RDX: variants seen among roughly 807,000 people sequenced by gnomAD.
RDX encodes the protein radixin.
In RDX, 32 loss-of-function variants were observed where a neutral mutation model predicts 83.7. The ratio of observed to expected loss-of-function variants is 0.38; its 90% CI spans 0.29 to 0.51. The LOEUF is 0.51. Ranked by LOEUF, RDX falls within the 20% of genes least tolerant of loss-of-function variation. RDX has a pLI of 0.87. For synonymous variants in RDX, 229 were observed against 222.7 expected (o/e 1.03, Z -0.25); for missense variants, 600 against 689.9 (o/e 0.87, Z 1.46).
At chr11:110,286,597 T>C (rs1197704990) in intron 1 of RDX, among the ~76,000 whole-genome samples, 3 of 152,252 alleles carry the variant, frequency 2.0e-5, no homozygotes, top group African/African-American at 7.2e-5. Context: ...TGCCTGATTT[T>C]ACTTTTGAGA....
At chr11:110,191,330 G>T (rs773153597) in intron 15 of RDX, among the ~76,000 whole-genome samples, 1 of 152,208 alleles carries the variant, frequency 6.6e-6, no homozygotes. Flanking sequence ...AAAATGATAT[G>T]ATTATCTTAA....
chr11:110,215,412 A>AT (rs202009771), intron 14 of RDX, among the ~76,000 whole-genome samples: 31 of 146,514 alleles, frequency 2.1e-4, no homozygotes, highest in Admixed American at 4.8e-4. Flanking sequence ...AAATAAATAA[A>AT]ATAATAATAA....
chr11:110,202,384 ACTT>A (rs1863445223), intron 14 of RDX, among the ~76,000 whole-genome samples: 1 of 151,716 alleles, frequency 6.6e-6, no homozygotes, highest in Non-Finnish European at 1.5e-5. Context: ...AGAGAGCAAG[ACTT>A]CATCTAAAAA....
intron 9 of RDX, among the ~76,000 whole-genome samples, chr11:110,251,625 TG>T (rs1277958917): frequency 6.6e-6 from 1 of 152,182 alleles, no homozygotes; most frequent in African/African-American, 2.4e-5. Context: ...AACCTACAAT[TG>T]GTACATAGGT....
chr11:110,228,769 C>G (rs1257620222), downstream of RDX, among the ~76,000 whole-genome samples: 2 of 151,628 alleles, frequency 1.3e-5, no homozygotes, highest in African/African-American at 4.8e-5. Context: ...TAAAATCTAA[C>G]ATAACTTTAT....
intron 1 of RDX, among the ~76,000 whole-genome samples, chr11:110,285,452 G>A (rs192639028): frequency 7.6e-4 from 116 of 151,894 alleles, no homozygotes; most frequent in Middle Eastern, 3.4e-3. Context: ...GGTGGCTCGC[G>A]CCTGTAATCC....
intron 1 of RDX, chr11:110,287,122 T>C (rs886804583): frequency 6.6e-6 from 1 of 152,230 alleles, no homozygotes; most frequent in Non-Finnish European, 1.5e-5. Flanking sequence ...CTGGTTATGG[T>C]GGCTCATGCC....
At chr11:110,281,844 C>T (rs1031997668) in intron 1 of RDX, among the ~76,000 whole-genome samples, 15 of 149,282 alleles carry the variant, frequency 1.0e-4, no homozygotes, top group African/African-American at 2.9e-4. Context: ...CGATAGCTCA[C>T]GTGTGTAATT....
intron 10 of RDX, chr11:110,237,964 G>C: frequency 3.8e-6 from 1 of 260,262 alleles, no homozygotes. Flanking sequence ...TTTTTAAAGA[G>C]AAATGAAAAT....
chr11:110,257,983 G>A lies in RDX; in HGVS notation c.552-70C>T. The A allele has an allele frequency of 6.6e-6, 10 of 1,513,074 alleles. No homozygotes were observed. In the South Asian group the frequency reaches 1.2e-4, roughly 17 times the overall value. The allele number at this position is 1,513,074 out of a possible 1,614,324, so 93.7% of individuals were successfully genotyped here. A position where few individuals can be genotyped will look rare whatever the true frequency, so the allele number is the denominator to read the frequency against. On this transcript the variant is annotated intron_variant, in intron 6 of 13. Transcript: ENST00000645495. ...TCAAACTAAAGTTGCAAAATACCTGGAATTAAAAATTAGTACTTTACATAA... is the reference window on the plus strand; with the variant it reads ...TCAAACTAAAGTTGCAAAATACCTGAAATTAAAAATTAGTACTTTACATAA...
intron 14 of RDX, among the ~76,000 whole-genome samples, chr11:110,221,631 C>CACAA: frequency 6.6e-6 from 1 of 151,756 alleles, no homozygotes; most frequent in East Asian, 1.9e-4. Context: ...CACACACACA[C>CACAA]ACACACACAC....
chr11:110,243,843 T>C (rs1034473457), intron 10 of RDX, among the ~76,000 whole-genome samples: 1 of 152,184 alleles, frequency 6.6e-6, no homozygotes, highest in Non-Finnish European at 1.5e-5. Context: ...TTAAGATGAC[T>C]ATAATCCAAA....
At chr11:110,282,048 C>T (rs955972441) in intron 1 of RDX, among the ~76,000 whole-genome samples, 13 of 151,508 alleles carry the variant, frequency 8.6e-5, no homozygotes, top group African/African-American at 2.9e-4. Context: ...CTGAGATCAC[C>T]AATGCACTCC....
chr11:110,286,962 C>CA (rs1162051017), intron 1 of RDX: 8 of 152,174 alleles, frequency 5.3e-5, no homozygotes, highest in African/African-American at 1.9e-4. Flanking sequence ...AAACCAATTA[C>CA]ACTGGAATAT....
intron 2 of RDX, among the ~76,000 whole-genome samples, chr11:110,274,233 T>C (rs1860421214): frequency 6.6e-6 from 1 of 152,184 alleles, no homozygotes; most frequent in African/African-American, 2.4e-5. Flanking sequence ...AAATCTACCA[T>C]CCAACTGAAT....
chr11:110,289,095 G>A (rs552137597), intron 1 of RDX, among the ~76,000 whole-genome samples: 40 of 152,086 alleles, frequency 2.6e-4, no homozygotes, highest in African/African-American at 8.9e-4. Flanking sequence ...AAAATTAGCC[G>A]AGCGTGGTGG....
At chr11:110,267,625 T>A (rs140021263) in intron 3 of RDX, among the ~76,000 whole-genome samples, 98 of 151,030 alleles carry the variant, frequency 6.5e-4, no homozygotes, top group African/African-American at 2.3e-3. Context: ...ACCCTTCCAT[T>A]TACTTTCCCA....
chr11:110,289,956 CAAAAAAAAAAA>C (rs58146009), intron 1 of RDX, among the ~76,000 whole-genome samples: 4 of 35,488 alleles, frequency 1.1e-4, no homozygotes, highest in African/African-American at 3.8e-4. Context: ...GAGACTGTCT[CAAAAAAAAAAA>C]AAAAAAAAAA....
At chr11:110,229,275 T>C (rs765996268), downstream of RDX, among the ~76,000 whole-genome samples, 1 of 152,022 alleles carries the variant, frequency 6.6e-6, no homozygotes, top group Admixed American at 6.5e-5. Context: ...TTAATCACTA[T>C]TACTTCCATA....
Sources: gnomAD v4.1 joint callset for allele counts (sites outside exome capture counted in the v4.1 genomes callset) on GRCh38, gnomAD v4.1.1 for gene constraint, MANE v1.5 for transcripts, NCBI Gene and HGNC (gene_info 2026-07-23, HGNC 2026-07-21) for gene names.